LDB2: variants seen among roughly 807,000 people sequenced by gnomAD.
LDB2 encodes the protein LIM domain binding 2.
LDB2 carries 12 observed loss-of-function variants against 44.3 expected under a neutral mutation model. The observed-to-expected ratio is 0.27, with a 90% CI of 0.17 to 0.44. The LOEUF (loss-of-function observed/expected upper bound fraction) is 0.44, where lower values mean the gene tolerates loss of function less well. Ranked by LOEUF, LDB2 falls within the 20% of genes least tolerant of loss-of-function variation. LDB2 has a pLI of 1.00. For missense variants in LDB2, 344 were observed against 473.5 expected, an observed-to-expected ratio of 0.73 and a Z score of 2.54; for synonymous variants, 164 against 174.8, an observed-to-expected ratio of 0.94 and a Z score of 0.49.
At chr4:16,880,233 G>A (rs115549615) in intron 1 of LDB2, among the ~76,000 whole-genome samples, 1,819 of 152,248 alleles carry the variant, frequency 0.012, 7 homozygotes, top group Non-Finnish European at 0.02. Context: ...ATTTAGTGAA[G>A]ATCAATTAGA....
intron 2 of LDB2, among the ~76,000 whole-genome samples, chr4:16,598,464 C>T (rs917851863): frequency 6.6e-6 from 1 of 152,178 alleles, no homozygotes; most frequent in Admixed American, 6.5e-5. Context: ...TCCTTGAGCT[C>T]CAATTGAGCT....
At chr4:16,618,367 T>C (rs2152475878) in intron 2 of LDB2, among the ~76,000 whole-genome samples, 1 of 152,334 alleles carries the variant, frequency 6.6e-6, no homozygotes. Context: ...GTGGGTTCCA[T>C]GAGGACAGAC....
At chr4:16,690,909 T>C (rs1417046974) in intron 2 of LDB2, among the ~76,000 whole-genome samples, 2 of 152,150 alleles carry the variant, frequency 1.3e-5, no homozygotes, top group African/African-American at 4.8e-5. Context: ...TAAGCTTGAG[T>C]CAGATAGACC....
At chr4:16,823,232 A>G (rs1243680823) in intron 1 of LDB2, among the ~76,000 whole-genome samples, 1 of 152,244 alleles carries the variant, frequency 6.6e-6, no homozygotes, top group African/African-American at 2.4e-5. Flanking sequence ...TACAGATCAG[A>G]GTATGAAGTC....
intron 2 of LDB2, among the ~76,000 whole-genome samples, chr4:16,633,629 A>G (rs1228002309): frequency 1.3e-5 from 2 of 152,224 alleles, no homozygotes; most frequent in Admixed American, 1.3e-4. Context: ...AAACAAATGG[A>G]AAAACATTCC....
At chr4:16,811,942 T>C (rs1779950990) in intron 1 of LDB2, among the ~76,000 whole-genome samples, 1 of 152,220 alleles carries the variant, frequency 6.6e-6, no homozygotes, top group African/African-American at 2.4e-5. Flanking sequence ...TTTTTCCAAA[T>C]ATTTTTTTCC....
intron 2 of LDB2, among the ~76,000 whole-genome samples, chr4:16,631,677 A>T (rs926114427): frequency 2.6e-5 from 4 of 152,196 alleles, no homozygotes; most frequent in African/African-American, 9.7e-5. Context: ...AACAAAATAG[A>T]TAGACTGCTA....
intron 5 of LDB2, among the ~76,000 whole-genome samples, chr4:16,526,713 C>A (rs1446542911): frequency 6.6e-6 from 1 of 152,144 alleles, no homozygotes; most frequent in Non-Finnish European, 1.5e-5. Context: ...TGCCAGGAGC[C>A]AAGGAATGTG....
At chr4:16,780,741 A>G (rs1773033695) in intron 1 of LDB2, among the ~76,000 whole-genome samples, 1 of 152,038 alleles carries the variant, frequency 6.6e-6, no homozygotes, top group Non-Finnish European at 1.5e-5. Flanking sequence ...GTACAACTCA[A>G]AAAACATTTC....
At chr4:16,587,232 T>C (rs887990093) in intron 4 of LDB2, among the ~76,000 whole-genome samples, 2 of 152,202 alleles carry the variant, frequency 1.3e-5, no homozygotes, top group Non-Finnish European at 2.9e-5. Flanking sequence ...TGAGAGCCAA[T>C]CGCCAAAACC....
intron 2 of LDB2, among the ~76,000 whole-genome samples, chr4:16,631,971 G>A (rs1165981151): frequency 3.3e-5 from 5 of 152,154 alleles, no homozygotes; most frequent in Admixed American, 6.5e-5. Flanking sequence ...CAAAGTCCAA[G>A]ACCAGACTGA....
chr4:16,844,784 GAA>G (rs1037896109), intron 1 of LDB2, among the ~76,000 whole-genome samples: 13 of 152,138 alleles, frequency 8.5e-5, no homozygotes, highest in African/African-American at 3.1e-4. Flanking sequence ...ACATTTTGCA[GAA>G]GCCCTGAAAA....
At chr4:16,607,287 C>T (rs11737340) in intron 2 of LDB2, among the ~76,000 whole-genome samples, 7 of 152,184 alleles carry the variant, frequency 4.6e-5, no homozygotes, top group African/African-American at 9.7e-5. Context: ...ATTCAGCATC[C>T]GCCACCCAGG....
intron 2 of LDB2, among the ~76,000 whole-genome samples, chr4:16,639,480 A>T (rs1734560273): frequency 6.6e-6 from 1 of 151,798 alleles, no homozygotes; most frequent in South Asian, 2.1e-4. Context: ...ATTATTATTG[A>T]GACGGAGTTT....
At chr4:16,623,956 T>C (rs1729595494) in intron 2 of LDB2, among the ~76,000 whole-genome samples, 1 of 152,212 alleles carries the variant, frequency 6.6e-6, no homozygotes, top group Admixed American at 6.5e-5. Flanking sequence ...GCAGAGATCC[T>C]ACCACAACTA....
chr4:16,827,863 C>T (rs931678911), intron 1 of LDB2, among the ~76,000 whole-genome samples: 2 of 152,204 alleles, frequency 1.3e-5, no homozygotes, highest in African/African-American at 4.8e-5. Flanking sequence ...CTGGTTGGGC[C>T]AGACCTCCCG....
chr4:16,879,735 T>G (rs971906316), intron 1 of LDB2, among the ~76,000 whole-genome samples: 6 of 152,166 alleles, frequency 3.9e-5, no homozygotes, highest in African/African-American at 1.4e-4. Flanking sequence ...AGTCTAGAGC[T>G]TACAATGAAT....
chr4:16,603,060 T>C (rs897609010), intron 2 of LDB2, among the ~76,000 whole-genome samples: 43 of 152,348 alleles, frequency 2.8e-4, no homozygotes, highest in African/African-American at 9.9e-4. Context: ...ATTTTGGATC[T>C]TGATTCTGTC....
At chr4:16,607,509 T>C (rs1414788608) in intron 2 of LDB2, among the ~76,000 whole-genome samples, 2 of 152,220 alleles carry the variant, frequency 1.3e-5, no homozygotes, top group Non-Finnish European at 2.9e-5. Flanking sequence ...TGATTTATGC[T>C]CTCTAAACCC....
Sources: gnomAD v4.1 joint callset for allele counts (sites outside exome capture counted in the v4.1 genomes callset) on GRCh38, gnomAD v4.1.1 for gene constraint, MANE v1.5 for transcripts, NCBI Gene and HGNC (gene_info 2026-07-23, HGNC 2026-07-21) for gene names.